Variants in SKAP1 observed in about 807,000 individuals in gnomAD.
SKAP1 encodes src kinase-associated phosphoprotein 1.
A neutral mutation model predicts 58.5 loss-of-function variants in SKAP1; 44 were observed. The ratio of observed to expected loss-of-function variants is 0.75; its 90% CI spans 0.59 to 0.97. SKAP1 has a LOEUF of 0.97. Ranked by LOEUF, SKAP1 falls within the 50% of genes least tolerant of loss-of-function variation. The pLI, the probability that SKAP1 is intolerant of heterozygous loss-of-function variation, is 0.00. For synonymous variants in SKAP1, 127 were observed against 149.7 expected (o/e 0.85, Z 1.11); for missense variants, 390 against 435.2 (o/e 0.90, Z 0.92).
At chr17:48,437,495 C>T in the SKAP1 span, among the ~76,000 whole-genome samples, 3 of 152,146 alleles carry the variant, frequency 2.0e-5, no homozygotes, top group Admixed American at 6.5e-5. Context: ...GTAATCCCAA[C>T]ACTTTGGGAG....
chr17:48,171,095 T>TG (rs200401923), intron 9 of SKAP1, among the ~76,000 whole-genome samples: 1 of 102,462 alleles, frequency 9.8e-6, no homozygotes, highest in Non-Finnish European at 2.2e-5. Context: ...TTACTGTTGT[T>TG]TTTTTTTTTT....
upstream of SKAP1, among the ~76,000 whole-genome samples, chr17:48,432,115 C>A (rs1425856063): frequency 1.3e-5 from 2 of 152,178 alleles, no homozygotes; most frequent in African/African-American, 4.8e-5. Flanking sequence ...CCTGCTCATC[C>A]TCCTTCCTGC....
intron 7 of SKAP1, among the ~76,000 whole-genome samples, 186 bp downstream of exon 7, chr17:48,184,535 AGT>A (rs1199048966): frequency 3.3e-5 from 5 of 152,312 alleles, no homozygotes; most frequent in African/African-American, 1.2e-4. Flanking sequence ...CTAAGATGAG[AGT>A]GGCAACAGAG....
intron 11 of SKAP1, chr17:48,156,512 A>G (rs1257600998): frequency 3.8e-6 from 2 of 524,964 alleles, no homozygotes; most frequent in Non-Finnish European, 7.8e-6. Context: ...CCGGGGAGGA[A>G]GGGAAGTTTA....
intron 2 of SKAP1, among the ~76,000 whole-genome samples, chr17:48,388,244 G>A (rs1430254946): frequency 1.3e-5 from 2 of 152,082 alleles, no homozygotes; most frequent in African/African-American, 4.8e-5. Context: ...GACCAGCCTG[G>A]CCAACATGGT....
At chr17:48,429,725 G>A (rs185668089) in intron 1 of SKAP1, among the ~76,000 whole-genome samples, 1 of 152,280 alleles carries the variant, frequency 6.6e-6, no homozygotes, top group East Asian at 1.9e-4. Flanking sequence ...GAGGGGGACG[G>A]GAAACCCTAC....
intron 4 of SKAP1, among the ~76,000 whole-genome samples, chr17:48,200,809 A>G (rs1048031552): frequency 6.6e-6 from 1 of 152,246 alleles, no homozygotes; most frequent in African/African-American, 2.4e-5. Flanking sequence ...AAAAGCTGCC[A>G]GTGGGAAATC....
intron 5 of SKAP1, 37 bp downstream of exon 5, chr17:48,189,385 TC>T (rs1415288695): frequency 6.5e-7 from 1 of 1,535,958 alleles, no homozygotes; most frequent in African/African-American, 1.4e-5. Context: ...TCCCTTCCCT[TC>T]CTGGAATGTT....
At chr17:48,254,775 C>T (rs555084257) in intron 4 of SKAP1, among the ~76,000 whole-genome samples, 37 of 151,726 alleles carry the variant, frequency 2.4e-4, no homozygotes, top group African/African-American at 9.0e-4. Flanking sequence ...TTCTCTTATA[C>T]TTCTGTCACC....
intron 3 of SKAP1, among the ~76,000 whole-genome samples, chr17:48,358,922 G>A (rs577603276): frequency 6.6e-6 from 1 of 152,176 alleles, no homozygotes; most frequent in Admixed American, 6.5e-5. Context: ...TAGAGGAGCT[G>A]GGATTCGAAT....
intron 4 of SKAP1, among the ~76,000 whole-genome samples, chr17:48,280,368 G>C (rs2065751158): frequency 6.6e-6 from 1 of 152,016 alleles, no homozygotes; most frequent in Admixed American, 6.5e-5. Context: ...TACTTGGGAG[G>C]CTGAGGCAGG....
intron 4 of SKAP1, among the ~76,000 whole-genome samples, chr17:48,210,253 G>A (rs1414181430): frequency 6.6e-6 from 1 of 152,146 alleles, no homozygotes; most frequent in East Asian, 1.9e-4. Flanking sequence ...GCCGTGGTTC[G>A]TAACTCTGGC....
chr17:48,152,368 G>A (rs1327000383), intron 11 of SKAP1, among the ~76,000 whole-genome samples: 2 of 152,178 alleles, frequency 1.3e-5, no homozygotes, highest in Non-Finnish European at 2.9e-5. Context: ...GTTTGGGGAG[G>A]CTGAGTTTCT....
chr17:48,430,095 T>G lies in SKAP1; in HGVS notation c.26A>C (p.Glu9Ala). The G allele has an allele frequency of 2.4e-6, 3 of 1,263,840 alleles. No homozygotes were observed. The East Asian group carries it at 9.1e-5, about 38-fold the overall frequency. 78.3% of individuals were successfully genotyped at this position (1,263,840 alleles called of 1,614,324 possible). Residue 9 changes from glutamate to alanine, a missense_variant, in exon 1 of 13, where the codon GAG (glutamate) becomes GCG (alanine). By Grantham distance (107) the Glu-to-Ala change is moderately radical. Transcript: ENST00000336915. MQAAALPE[E>A]IRWLLEDAEE... ...GTTACCTTCCAGGAGCCAACGGATC[T>G]CCTCAGGGAGGGCGGCGGCCTGCAT...
rs190619420 is a variant in SKAP1 at position 48,167,366 on chromosome 17, T to C, written c.877+3243A>G. 1.1e-4 allele frequency among the ~76,000 whole-genome samples: 16 copies of C among 152,340 alleles called. No homozygotes were observed. In the East Asian group the frequency reaches 2.9e-3, roughly 28 times the overall value. On this transcript the variant is annotated intron_variant, in intron 10 of 12. Coordinates refer to ENST00000336915, the MANE Select transcript of SKAP1 (RefSeq NM_003726.4). ...GTGGGGTATACTCAGATTCTGATTTTCATGTCATTTCCTCTTTTCATTGGG... is the reference window on the plus strand; with the variant it reads ...GTGGGGTATACTCAGATTCTGATTTCCATGTCATTTCCTCTTTTCATTGGG...
At chr17:48,238,982 A>G (rs181297917) in intron 4 of SKAP1, among the ~76,000 whole-genome samples, 1 of 152,340 alleles carries the variant, frequency 6.6e-6, no homozygotes, top group African/African-American at 2.4e-5. Context: ...TTGACTATGA[A>G]GATGTAGAGA....
intron 2 of SKAP1, among the ~76,000 whole-genome samples, chr17:48,364,573 G>T (rs894371127): frequency 1.3e-5 from 2 of 152,134 alleles, no homozygotes; most frequent in African/African-American, 4.8e-5. Context: ...TACTCAGGAG[G>T]CTGAGGCAGG....
chr17:48,357,874 AAG>A (rs892282938), intron 3 of SKAP1, among the ~76,000 whole-genome samples: 2 of 152,122 alleles, frequency 1.3e-5, no homozygotes, highest in Non-Finnish European at 2.9e-5. Flanking sequence ...AAATAAGAAA[AAG>A]GGGGAAAATG....
Position 48,265,808 on chromosome 17 carries a change from C to T in SKAP1, c.281-76308G>A, listed in dbSNP as rs2065540898. 1.3e-5 allele frequency among the ~76,000 whole-genome samples: 2 copies of T among 152,178 alleles called. 1 individual carries two copies. Among genetic ancestry groups the T allele is most frequent in the South Asian group, 4.1e-4 (2 of 4,822 alleles). On this transcript the variant is annotated intron_variant, in intron 4 of 12. Coordinates refer to ENST00000336915, the MANE Select transcript of SKAP1 (RefSeq NM_003726.4). ...GGAGCTGTATCTGCCCAAAGGCAAA[C>T]TCCTGTGGCAGGTGGAACAGGGAGC...
Sources: allele counts gnomAD v4.1 joint callset (sites outside exome capture counted in the v4.1 genomes callset), GRCh38; gene constraint gnomAD v4.1.1; transcripts MANE v1.5; gene names NCBI Gene and HGNC (gene_info 2026-07-23, HGNC 2026-07-21).